Variants in VAV2 observed in about 807,000 individuals in gnomAD.
VAV2 encodes the protein guanine nucleotide exchange factor VAV2.
VAV2 carries 67 observed loss-of-function variants against 132.5 expected under a neutral mutation model. The observed-to-expected ratio is 0.51, with a 90% confidence interval of 0.42 to 0.62. VAV2 has a LOEUF of 0.62. VAV2 is among the 20% of genes least tolerant of loss of function. The pLI, the probability that VAV2 is intolerant of heterozygous loss-of-function variation, is 0.00. For synonymous variants in VAV2, 492 were observed against 443.5 expected (o/e 1.11, Z -1.37); for missense variants, 938 against 1,153.6 (o/e 0.81, Z 2.71).
rs1837684114 is a variant in VAV2 at position 133,863,569 on chromosome 9, T to TCAGCCCCAAGCTTGGGGCGCTTTGCCC, written c.322-2164_322-2138dup. Among the ~76,000 whole-genome samples, 1 of 152,150 alleles carries TCAGCCCCAAGCTTGGGGCGCTTTGCCC rather than the reference T, an allele frequency of 6.6e-6. No individual in the cohort carries two copies. The highest frequency in any genetic ancestry group is 1.5e-5 in the Non-Finnish European group (1 of 68,012). ...TACAGCTGCTATGACCACAGCAGCC[T>TCAGCCCCAAGCTTGGGGCGCTTTGCCC]CAGCCCCAAGCTTGGGGCGCTTTGC... On this transcript the variant is annotated intron_variant, in intron 2 of 29. Transcript: ENST00000371850. The surrounding 1 kb of genome is among the most constrained non-coding windows in gnomAD (Gnocchi z 5.0).
intron 2 of VAV2, among the ~76,000 whole-genome samples, chr9:133,890,314 A>T (rs1404078159): frequency 2.0e-5 from 3 of 152,178 alleles, no homozygotes; most frequent in Admixed American, 2.0e-4. Context: ...AGAGGGACTG[A>T]CGGCGCGTCT....
chr9:133,923,594 G>A (rs963224960), intron 2 of VAV2, among the ~76,000 whole-genome samples: 1 of 152,194 alleles, frequency 6.6e-6, no homozygotes, highest in Non-Finnish European at 1.5e-5. Context: ...GATTCCTCAA[G>A]GATCTAGAAC....
At chr9:133,938,905 C>T (rs982908691) in intron 2 of VAV2, among the ~76,000 whole-genome samples, 198 bp downstream of exon 2, 3 of 152,186 alleles carry the variant, frequency 2.0e-5, no homozygotes, top group African/African-American at 2.4e-5. Flanking sequence ...GTCCCAGCCC[C>T]GACACACAAA....
intron 4 of VAV2, among the ~76,000 whole-genome samples, chr9:133,815,060 A>G (rs1191404867): frequency 6.6e-6 from 1 of 152,182 alleles, no homozygotes; most frequent in Non-Finnish European, 1.5e-5. Flanking sequence ...TCTGGAGCCC[A>G]AACATATTAA....
intron 1 of VAV2, among the ~76,000 whole-genome samples, chr9:133,987,307 A>G (rs1468250920): frequency 6.6e-6 from 1 of 151,950 alleles, no homozygotes; most frequent in African/African-American, 2.4e-5. Context: ...AACCTGGAAC[A>G]GTGGAGGAGT....
At chr9:133,832,222 GCA>G (rs1470295733) in intron 4 of VAV2, among the ~76,000 whole-genome samples, 1 of 152,246 alleles carries the variant, frequency 6.6e-6, no homozygotes, top group Non-Finnish European at 1.5e-5. Context: ...CCCAACAGAG[GCA>G]TGGGTGCTGA....
At chr9:133,945,337 GCAGGCCCCACC>G (rs958159094) in intron 1 of VAV2, among the ~76,000 whole-genome samples, 2 of 152,226 alleles carry the variant, frequency 1.3e-5, no homozygotes. Context: ...GGCTTGAGGG[GCAGGCCCCACC>G]CACAGAAACC....
intron 18 of VAV2, 75 bp downstream of exon 18, chr9:133,784,242 A>G (rs2131600278): frequency 6.7e-7 from 1 of 1,489,240 alleles, no homozygotes; most frequent in Non-Finnish European, 9.4e-7. Context: ...TGGGACAGAT[A>G]GAACACTAAG....
rs1838669309 is a variant in VAV2 at position 133,885,527 on chromosome 9, C to T, written c.322-24095G>A. Among the ~76,000 whole-genome samples, 1 of 152,226 alleles carries T rather than the reference C, an allele frequency of 6.6e-6. No homozygotes were observed. Among genetic ancestry groups the T allele is most frequent in the South Asian group, 2.1e-4 (1 of 4,832 alleles). On this transcript the variant is annotated intron_variant, in intron 2 of 29. Transcript: ENST00000371850. This position sits in a 1 kb window ranked among gnomAD's most constrained non-coding sequence, Gnocchi z 5.0. The stretch of plus-strand genomic sequence containing the variant: ...AGTGTCGTATTTACTAATAATGGTG[C>T]ACCGCCAGGAGCGTGCAATGCCATT...
In VAV2 at chr9:133,763,901, G is replaced by A. The variant is rs558805178; in HGVS notation, c.*161C>T. ...GCCGAGGGCAGGCTGACAGTGAAAC[G>A]GTTCGAGTTTAGGATTCTCAACACC... is the stretch of plus-strand genomic sequence containing the variant. On this transcript the variant is annotated 3_prime_UTR_variant, in exon 30 of 30. Transcript: ENST00000371850. This position sits in a 1 kb window ranked among gnomAD's most constrained non-coding sequence, Gnocchi z 6.8. The A allele has an allele frequency of 8.8e-5, 73 of 831,608 alleles. No homozygotes were observed. Among genetic ancestry groups the A allele is most frequent in the Non-Finnish European group, 1.3e-4 (68 of 521,614 alleles). 51.5% of individuals were successfully genotyped at this position (831,608 alleles called of 1,614,324 possible).
chr9:133,889,008 C>G (rs371609377), intron 2 of VAV2, among the ~76,000 whole-genome samples: 1 of 152,176 alleles, frequency 6.6e-6, no homozygotes, highest in Admixed American at 6.5e-5. Context: ...ACCGCGTCCC[C>G]GTCCCTGGGG....
At chr9:133,905,457 AAAG>A (rs980945722) in intron 2 of VAV2, among the ~76,000 whole-genome samples, 16 of 151,096 alleles carry the variant, frequency 1.1e-4, no homozygotes, top group South Asian at 2.1e-4. Context: ...AAAAGAAACA[AAAG>A]AAGAAGAACA....
chr9:133,921,881 C>T (rs541415617), intron 2 of VAV2, among the ~76,000 whole-genome samples: 3 of 152,226 alleles, frequency 2.0e-5, no homozygotes, highest in Admixed American at 6.5e-5. Context: ...GTGCTGGATG[C>T]GAGTGTGGTT....
intron 4 of VAV2, among the ~76,000 whole-genome samples, chr9:133,820,825 G>A (rs145138354): frequency 4.6e-5 from 7 of 152,322 alleles, no homozygotes; most frequent in Admixed American, 2.0e-4. Flanking sequence ...GAAGTCTCCT[G>A]GGAGTACAGG....
chr9:133,861,257 A>C, intron 3 of VAV2, 117 bp downstream of exon 3: 2 of 1,148,848 alleles, frequency 1.7e-6, no homozygotes, highest in Non-Finnish European at 2.4e-6. Context: ...CTGCAAATGC[A>C]TGATAAAGAC....
intron 2 of VAV2, among the ~76,000 whole-genome samples, chr9:133,905,404 C>G (rs2519791): frequency 0.61 from 89,051 of 146,124 alleles, 29,634 homozygotes; most frequent in South Asian, 0.74. Context: ...CCACTGCACT[C>G]CAGCCTGGGT....
At chr9:133,812,269 C>A in intron 4 of VAV2, 53 bp from the exon 5 acceptor site, 1 of 1,575,070 alleles carries the variant, frequency 6.3e-7, no homozygotes, top group East Asian at 2.2e-5. Context: ...CCACCCTGAC[C>A]GGGGAGCCGC....
At position 133,769,023 on chromosome 9, in the gene VAV2, C is replaced by A. The variant is rs1319937433; in HGVS notation, c.2434+394G>T. 6.6e-6 allele frequency among the ~76,000 whole-genome samples: 1 copy of A among 152,204 alleles called. No homozygotes were observed. The highest frequency in any genetic ancestry group is 1.5e-5 in the Non-Finnish European group (1 of 68,034). ...GACTTTGACTCTGGCAGCCGAAAGC[C>A]ATGAGGTCAAGGCTGACTGAAAACC... is the stretch of plus-strand genomic sequence containing the variant. On this transcript the variant is annotated intron_variant, in intron 28 of 29. Transcript: ENST00000371850. This position sits in a 1 kb window ranked among gnomAD's most constrained non-coding sequence, Gnocchi z 8.1.
At chr9:133,947,366 A>G (rs1304237807) in intron 1 of VAV2, among the ~76,000 whole-genome samples, 1 of 152,042 alleles carries the variant, frequency 6.6e-6, no homozygotes, top group East Asian at 1.9e-4. Flanking sequence ...CATTTTACAG[A>G]TGAGGAGACC....
Sources: gnomAD v4.1 joint callset for allele counts (sites outside exome capture counted in the v4.1 genomes callset) on GRCh38, gnomAD v4.1.1 for gene constraint, Gnocchi (gnomAD v3.1) non-coding constraint, MANE v1.5 for transcripts, NCBI Gene and HGNC (gene_info 2026-07-23, HGNC 2026-07-21) for gene names.